Variants in STXBP6 observed in about 807,000 individuals in gnomAD.
The protein encoded by STXBP6 is syntaxin binding protein 6, also known as syntaxin-binding protein 6.
Under a neutral mutation model 26.9 loss-of-function variants are expected in STXBP6, and 21 were observed. The ratio of observed to expected loss-of-function variants is 0.78; its 90% CI spans 0.55 to 1.12. STXBP6 has a LOEUF of 1.12. STXBP6 is among the 50% of genes most tolerant of loss of function. The pLI, the probability that STXBP6 is intolerant of heterozygous loss-of-function variation, is 0.00. For missense variants in STXBP6, 232 were observed against 257.9 expected (o/e 0.90, Z 0.69); for synonymous variants, 97 against 92.6 (o/e 1.05, Z -0.27).
At chr14:24,906,225 T>C (rs1357729097) in intron 2 of STXBP6, among the ~76,000 whole-genome samples, 1 of 152,180 alleles carries the variant, frequency 6.6e-6, no homozygotes, top group Non-Finnish European at 1.5e-5. Context: ...TGATATTATG[T>C]GTTACTTTTC....
At chr14:24,964,959 C>G (rs939199294) in intron 2 of STXBP6, among the ~76,000 whole-genome samples, 1 of 152,142 alleles carries the variant, frequency 6.6e-6, no homozygotes, top group African/African-American at 2.4e-5. Flanking sequence ...ATAAAGAGGC[C>G]TAAACACAAA....
rs183159302 is a variant in STXBP6 at position 25,025,485 on chromosome 14, C to G, written c.-33+24393G>C. On this transcript the variant is annotated intron_variant, in intron 1 of 5. Transcript: ENST00000323944. ...AGAAGATATGCAGGTTGCAGATTAT[C>G]TTTAAGTGTTCTTATAACTGAGCAA... Among the ~76,000 whole-genome samples, 456 of 152,176 alleles carry G rather than the reference C, an allele frequency of 3.0e-3. 2 individuals are homozygous for G. Among genetic ancestry groups the G allele is most frequent in the Non-Finnish European group, 5.0e-3 (341 of 68,006 alleles).
chr14:24,973,198 A>T (rs1031232220), intron 2 of STXBP6, among the ~76,000 whole-genome samples: 4 of 152,154 alleles, frequency 2.6e-5, no homozygotes, highest in African/African-American at 9.7e-5. Context: ...TCTTCCACTT[A>T]GTCACTAGAT....
chr14:24,999,569 CA>C (rs1036425580), intron 1 of STXBP6, among the ~76,000 whole-genome samples: 2 of 152,114 alleles, frequency 1.3e-5, no homozygotes, highest in African/African-American at 4.8e-5. Flanking sequence ...GTGACATTAG[CA>C]GATATGAATA....
At chr14:24,953,846 T>C (rs1448412838) in intron 2 of STXBP6, among the ~76,000 whole-genome samples, 1 of 152,214 alleles carries the variant, frequency 6.6e-6, no homozygotes, top group African/African-American at 2.4e-5. Flanking sequence ...GAGGCCAGCA[T>C]CTTCTTCAAA....
intron 4 of STXBP6, among the ~76,000 whole-genome samples, chr14:24,842,700 T>C (rs924344910): frequency 6.6e-6 from 1 of 152,138 alleles, no homozygotes. Context: ...AAAAGATGAT[T>C]ATGCCTTACT....
At chr14:24,961,774 C>T (rs1292117837) in intron 2 of STXBP6, among the ~76,000 whole-genome samples, 5 of 151,770 alleles carry the variant, frequency 3.3e-5, no homozygotes, top group South Asian at 2.1e-4. Flanking sequence ...CAAACCTGCA[C>T]GTGTACCCTG....
Position 25,049,884 on chromosome 14 carries a change from G to T in STXBP6, c.-39C>A, listed in dbSNP as rs2075780051. ...CCCCTCGCCCCGGTCCTACCGTGCA[G>T]CCTGGCTCGCGCCCCTGCCGTGCCA... On this transcript the variant is annotated 5_prime_UTR_variant, in exon 1 of 6. In the 5' UTR this introduces an upstream ATG that the reference lacks. Transcript: ENST00000323944. The surrounding 1 kb of genome is among the most constrained non-coding windows in gnomAD (Gnocchi z 5.6). 1.0e-6 allele frequency: 1 copy of T among 985,192 alleles called. No homozygotes were observed. The highest frequency in any genetic ancestry group is 1.2e-6 in the Non-Finnish European group (1 of 829,812). 61.0% of individuals were successfully genotyped at this position (985,192 alleles called of 1,614,324 possible). A position where few individuals can be genotyped will look rare whatever the true frequency, so the allele number is the denominator to read the frequency against.
chr14:24,860,763 C>T (rs1441280256), intron 2 of STXBP6, among the ~76,000 whole-genome samples: 2 of 150,902 alleles, frequency 1.3e-5, no homozygotes, highest in Non-Finnish European at 2.9e-5. Flanking sequence ...GTGGCCATTT[C>T]TCAAAAAAGT....
chr14:24,943,900 T>G (rs996271651), intron 2 of STXBP6, among the ~76,000 whole-genome samples: 13 of 152,232 alleles, frequency 8.5e-5, no homozygotes, highest in Non-Finnish European at 1.8e-4. Flanking sequence ...TGATTTGAAA[T>G]AGTTACTTAT....
intron 2 of STXBP6, among the ~76,000 whole-genome samples, chr14:24,962,045 T>G (rs921471478): frequency 2.0e-5 from 3 of 152,316 alleles, no homozygotes; most frequent in East Asian, 1.9e-4. Flanking sequence ...GTACCTCTTT[T>G]GCAGAACATA....
intron 1 of STXBP6, among the ~76,000 whole-genome samples, chr14:25,041,521 C>A (rs990297418): frequency 2.0e-5 from 3 of 152,128 alleles, no homozygotes; most frequent in African/African-American, 7.2e-5. Flanking sequence ...TTCTTAACCA[C>A]CAGTTACTGC....
In STXBP6 at chr14:24,962,307, ATTT is replaced by A. The variant is rs1444314338; in HGVS notation, c.154+12355_154+12357del. ...AGATATTTTATTTATTTATTTATTT[ATTT>A]ATTTATTTATTTATTTATTTATTTA... is the stretch of plus-strand genomic sequence containing the variant. On this transcript the variant is annotated intron_variant, in intron 2 of 5. Coordinates refer to ENST00000323944, the MANE Select transcript of STXBP6 (RefSeq NM_001394410.1). Among the ~76,000 whole-genome samples, 249 of 136,454 alleles carry A rather than the reference ATTT, an allele frequency of 1.8e-3. 1 individual carries two copies. Among genetic ancestry groups the A allele is most frequent in the African/African-American group, 5.8e-3 (229 of 39,236 alleles). The allele number at this position is 136,454 out of a possible 152,430, so 89.5% of individuals were successfully genotyped here. A position where few individuals can be genotyped will look rare whatever the true frequency, so the allele number is the denominator to read the frequency against.
intron 2 of STXBP6, among the ~76,000 whole-genome samples, chr14:24,933,203 G>A (rs986126494): frequency 5.9e-5 from 9 of 152,166 alleles, no homozygotes; most frequent in Non-Finnish European, 1.2e-4. Context: ...TTAGCTGGGT[G>A]CAGTGGTGAC....
intron 4 of STXBP6, among the ~76,000 whole-genome samples, chr14:24,827,782 C>T (rs967769598): frequency 6.6e-6 from 1 of 152,178 alleles, no homozygotes; most frequent in Non-Finnish European, 1.5e-5. Flanking sequence ...TAATACAACA[C>T]AACCAAGAAG....
intron 1 of STXBP6, among the ~76,000 whole-genome samples, chr14:25,019,350 GA>G (rs887018065): frequency 3.3e-5 from 5 of 150,344 alleles, no homozygotes; most frequent in Admixed American, 6.6e-5. Context: ...AATAGTTTGA[GA>G]AAAAAAAATC....
At chr14:24,957,855 C>T (rs2073392877) in intron 2 of STXBP6, among the ~76,000 whole-genome samples, 1 of 152,200 alleles carries the variant, frequency 6.6e-6, no homozygotes, top group East Asian at 1.9e-4. Context: ...TTTGCTCTTA[C>T]ACAGTTACTT....
At chr14:25,024,682 C>T (rs1277258930) in intron 1 of STXBP6, among the ~76,000 whole-genome samples, 2 of 152,158 alleles carry the variant, frequency 1.3e-5, no homozygotes, top group African/African-American at 4.8e-5. Context: ...AACTCCTAGA[C>T]AGCCTAGCAA....
chr14:24,842,691 A>C (rs2068820227), intron 4 of STXBP6, among the ~76,000 whole-genome samples: 1 of 152,200 alleles, frequency 6.6e-6, no homozygotes, highest in Non-Finnish European at 1.5e-5. Flanking sequence ...AAACAAAGGA[A>C]AAGATGATTA....
Sources: allele counts gnomAD v4.1 joint callset (sites outside exome capture counted in the v4.1 genomes callset), GRCh38; gene constraint gnomAD v4.1.1; non-coding constraint Gnocchi (gnomAD v3.1); transcripts MANE v1.5; gene names NCBI Gene and HGNC (gene_info 2026-07-23, HGNC 2026-07-21).